STXBP6: variants seen among roughly 807,000 people sequenced by gnomAD.
STXBP6 encodes syntaxin binding protein 6.
In STXBP6, 21 loss-of-function variants were observed where a neutral mutation model predicts 26.9. The ratio of observed to expected loss-of-function variants is 0.78; its 90% CI spans 0.55 to 1.12. The LOEUF (loss-of-function observed/expected upper bound fraction) is 1.12, where lower values mean the gene tolerates loss of function less well. Among genes scored for constraint, STXBP6 ranks in the 50% most tolerant of loss-of-function variants. The probability of loss-of-function intolerance (pLI) is 0.00; values close to 1 mark genes in which losing one functional copy is unlikely to be tolerated. For missense variants in STXBP6, 232 were observed against 257.9 expected (o/e 0.90, Z 0.69); for synonymous variants, 97 against 92.6 (o/e 1.05, Z -0.27).
chr14:24,839,520 T>A (rs1301723575), intron 4 of STXBP6, among the ~76,000 whole-genome samples: 1 of 150,718 alleles, frequency 6.6e-6, no homozygotes, highest in East Asian at 2.0e-4. Context: ...TGAAAAAAAA[T>A]TTAGTCAAAT....
At chr14:24,945,723 A>G (rs558323158) in intron 2 of STXBP6, among the ~76,000 whole-genome samples, 1 of 152,326 alleles carries the variant, frequency 6.6e-6, no homozygotes, top group African/African-American at 2.4e-5. Context: ...AAATATAGCA[A>G]TAGCAGCTGA....
At chr14:24,830,654 C>A (rs1213942942) in intron 4 of STXBP6, among the ~76,000 whole-genome samples, 1 of 152,096 alleles carries the variant, frequency 6.6e-6, no homozygotes, top group East Asian at 1.9e-4. Context: ...CAAGTGGAGT[C>A]AGTAAGTCAA....
intron 2 of STXBP6, among the ~76,000 whole-genome samples, chr14:24,947,790 T>A (rs1374348023): frequency 6.6e-6 from 1 of 152,176 alleles, no homozygotes; most frequent in Admixed American, 6.5e-5. Context: ...CATTATCACA[T>A]CCAAACAGTC....
At chr14:24,912,780 C>T (rs2071621311) in intron 2 of STXBP6, among the ~76,000 whole-genome samples, 1 of 152,106 alleles carries the variant, frequency 6.6e-6, no homozygotes, top group African/African-American at 2.4e-5. Context: ...AGAACATGGA[C>T]AGAGTAACTT....
At chr14:25,015,705 T>A (rs578042366) in intron 1 of STXBP6, among the ~76,000 whole-genome samples, 1 of 152,206 alleles carries the variant, frequency 6.6e-6, no homozygotes, top group African/African-American at 2.4e-5. Context: ...TGTGGATAAT[T>A]GTTATGTTTT....
intron 5 of STXBP6, among the ~76,000 whole-genome samples, chr14:24,818,662 G>C (rs1188456320): frequency 1.3e-5 from 2 of 152,128 alleles, no homozygotes; most frequent in South Asian, 2.1e-4. Flanking sequence ...GCAGCCTCAC[G>C]TCCTCCATGT....
chr14:24,809,489 G>A lies in STXBP6; in HGVS notation c.*3220C>T, dbSNP rs1179848012. 6.6e-6 allele frequency among the ~76,000 whole-genome samples: 1 copy of A among 151,934 alleles called. No homozygotes were observed. Among genetic ancestry groups the A allele is most frequent in the Non-Finnish European group, 1.5e-5 (1 of 67,996 alleles). On this transcript the variant is annotated 3_prime_UTR_variant, in exon 6 of 6. Coordinates refer to ENST00000323944, the MANE Select transcript of STXBP6 (RefSeq NM_001394410.1). ...CTCTTTAGTCTTTATTACATTCCAAGCTTTTCCATTAGAACATATGTAATG... is the reference window on the plus strand; with the variant it reads ...CTCTTTAGTCTTTATTACATTCCAAACTTTTCCATTAGAACATATGTAATG...
chr14:24,812,670 C>T lies in STXBP6; in HGVS notation c.*39G>A. On this transcript the variant is annotated 3_prime_UTR_variant, in exon 6 of 6. Transcript: ENST00000323944. ...TGTAAAAACTGCTGAACAAACTCTT[C>T]AGTTTCTCTTAAGAAGAGTCACCAG... is the stretch of plus-strand genomic sequence containing the variant. The T allele has an allele frequency of 1.9e-6, 3 of 1,607,356 alleles. No individual in the cohort carries two copies. The highest frequency in any genetic ancestry group is 2.6e-6 in the Non-Finnish European group (3 of 1,174,042).
chr14:24,961,928 ATGTT>A (rs2073554774), intron 2 of STXBP6, among the ~76,000 whole-genome samples: 1 of 152,222 alleles, frequency 6.6e-6, no homozygotes, highest in Non-Finnish European at 1.5e-5. Context: ...AAACATAAAT[ATGTT>A]TGGTTGACAT....
At chr14:24,963,782 A>G (rs1416180080) in intron 2 of STXBP6, among the ~76,000 whole-genome samples, 1 of 152,142 alleles carries the variant, frequency 6.6e-6, no homozygotes, top group African/African-American at 2.4e-5. Flanking sequence ...GCCACAATGG[A>G]AGCATTTATA....
rs1003033839 is a variant in STXBP6 at position 24,811,214 on chromosome 14, A to C, written c.*1495T>G. On this transcript the variant is annotated 3_prime_UTR_variant, in exon 6 of 6. Transcript: ENST00000323944. Reference sequence around the variant, plus strand: ...TAGACAAACTTTCTCTCTCCTTGGGAATGCTTTATTAGGAGAACTTCAGCT... The same window carrying C: ...TAGACAAACTTTCTCTCTCCTTGGGCATGCTTTATTAGGAGAACTTCAGCT... 2 of 152,048 alleles carry C rather than the reference A, an allele frequency of 1.3e-5. No homozygotes were observed. Among genetic ancestry groups the C allele is most frequent in the African/African-American group, 4.8e-5 (2 of 41,392 alleles). The allele number at this position is 152,048 out of a possible 1,614,324, so 9.4% of individuals were successfully genotyped here. A position where few individuals can be genotyped will look rare whatever the true frequency, so the allele number is the denominator to read the frequency against.
chr14:24,974,522 AG>A, intron 2 of STXBP6, 142 bp downstream of exon 2: 1 of 643,996 alleles, frequency 1.6e-6, no homozygotes, highest in East Asian at 3.0e-5. Flanking sequence ...ACCAGTAAAG[AG>A]GAAGACCAGA....
chr14:24,818,031 T>C, intron 5 of STXBP6: 1 of 456,670 alleles, frequency 2.2e-6, no homozygotes, highest in Non-Finnish European at 4.4e-6. Context: ...CTCATTGCTT[T>C]TTAGGTTATC....
intron 2 of STXBP6, among the ~76,000 whole-genome samples, chr14:24,968,483 G>A (rs868570650): frequency 1.1e-4 from 16 of 152,150 alleles, no homozygotes; most frequent in Non-Finnish European, 2.2e-4. Flanking sequence ...GAGAGAAACA[G>A]AGTTTCTCTC....
intron 1 of STXBP6, chr14:25,010,562 G>A (rs1269708283): frequency 6.6e-6 from 1 of 152,148 alleles, no homozygotes; most frequent in African/African-American, 2.4e-5. Context: ...GCACTTCATG[G>A]AAAACTCCAC....
intron 1 of STXBP6, among the ~76,000 whole-genome samples, chr14:25,043,497 C>A (rs1406616788): frequency 6.6e-6 from 1 of 152,096 alleles, no homozygotes; most frequent in Non-Finnish European, 1.5e-5. Flanking sequence ...AAGTGTGCAA[C>A]TCAGTAGTTT....
At chr14:24,957,432 AC>A (rs1468265193) in intron 2 of STXBP6, among the ~76,000 whole-genome samples, 1 of 152,106 alleles carries the variant, frequency 6.6e-6, no homozygotes, top group Non-Finnish European at 1.5e-5. Flanking sequence ...GGGACTAGAA[AC>A]TCTCTTCTGC....
At chr14:25,045,855 G>A (rs1365610822) in intron 1 of STXBP6, among the ~76,000 whole-genome samples, 1 of 152,030 alleles carries the variant, frequency 6.6e-6, no homozygotes, top group African/African-American at 2.4e-5. Flanking sequence ...TGATCCACCC[G>A]CCTCAGCCTC....
At chr14:24,993,934 T>C (rs764838649) in intron 1 of STXBP6, among the ~76,000 whole-genome samples, 1 of 152,158 alleles carries the variant, frequency 6.6e-6, no homozygotes, top group Non-Finnish European at 1.5e-5. Context: ...TTGGTTTAGC[T>C]AACATCACCC....
Sources: gnomAD v4.1 joint callset for allele counts (sites outside exome capture counted in the v4.1 genomes callset) on GRCh38, gnomAD v4.1.1 for gene constraint, MANE v1.5 for transcripts, NCBI Gene and HGNC (gene_info 2026-07-23, HGNC 2026-07-21) for gene names.